PCDHGA7: variants seen among roughly 807,000 people sequenced by gnomAD.
The protein encoded by PCDHGA7 is protocadherin gamma subfamily A, 7, also known as protocadherin gamma-A7.
A neutral mutation model predicts 58.3 loss-of-function variants in PCDHGA7; 44 were observed. The ratio of observed to expected loss-of-function variants is 0.75; its 90% CI spans 0.59 to 0.97. The LOEUF (loss-of-function observed/expected upper bound fraction) is 0.97, where lower values mean the gene tolerates loss of function less well. PCDHGA7 is among the 50% of genes least tolerant of loss of function. The pLI, the probability that PCDHGA7 is intolerant of heterozygous loss-of-function variation, is 0.00. For synonymous variants in PCDHGA7, 516 were observed against 504.2 expected (o/e 1.02, Z -0.31); for missense variants, 1,266 against 1,188.7 (o/e 1.06, Z -0.96).
At chr5:141,385,415 T>C (rs1781181251) in intron 1 of PCDHGA7, 92 bp downstream of exon 1, 2 of 1,466,016 alleles carry the variant, frequency 1.4e-6, no homozygotes, top group Non-Finnish European at 1.8e-6. Context: ...AAAATAGGGA[T>C]TTAAAAAACT....
chr5:141,408,061 G>C, intron 1 of PCDHGA7: 1 of 1,332,898 alleles, frequency 7.5e-7, no homozygotes, highest in Non-Finnish European at 1.0e-6. Flanking sequence ...CCTCCCGGCT[G>C]CGCAGACCTT....
At chr5:141,413,612 T>C (rs1282180585) in intron 1 of PCDHGA7, 1 of 1,613,696 alleles carries the variant, frequency 6.2e-7, no homozygotes, top group Non-Finnish European at 8.5e-7. Context: ...GACGTAAAAA[T>C]TAATGAAAAT....
At chr5:141,430,811 A>G (rs1193066300) in intron 1 of PCDHGA7, 1 of 1,527,400 alleles carries the variant, frequency 6.5e-7, no homozygotes. Flanking sequence ...CCTGCTGGGA[A>G]TCCTCCTGGG....
At chr5:141,427,890 G>A in intron 1 of PCDHGA7, 1 of 1,566,844 alleles carries the variant, frequency 6.4e-7, no homozygotes, top group Non-Finnish European at 8.7e-7. Flanking sequence ...CCACGACCAG[G>A]GCTCGCCCGC....
At chr5:141,398,392 A>AGG in intron 1 of PCDHGA7, 1 of 1,456,392 alleles carries the variant, frequency 6.9e-7, no homozygotes, top group Non-Finnish European at 9.5e-7. Flanking sequence ...TGTGAGCAGC[A>AGG]GGCTAGACAG....
intron 1 of PCDHGA7, among the ~76,000 whole-genome samples, chr5:141,465,911 A>G (rs540115471): frequency 6.6e-6 from 1 of 152,260 alleles, no homozygotes; most frequent in East Asian, 1.9e-4. Context: ...TCACGAGGTC[A>G]GGATTTCGAG....
intron 1 of PCDHGA7, chr5:141,388,676 G>T: frequency 7.4e-6 from 12 of 1,613,944 alleles, no homozygotes; most frequent in Non-Finnish European, 1.0e-5. Context: ...TGCTACAGGT[G>T]ACTGCCACGG....
chr5:141,491,500 G>A lies in PCDHGA7; in HGVS notation c.2425-3307G>A. ...CAGCCCCAACCTGCAGGTGAGCTCG[G>A]ACGGCACGCTCAAGTACATGGAGGT... On this transcript the variant is annotated intron_variant, in intron 1 of 3. Transcript: ENST00000518325. The surrounding 1 kb of genome is among the most constrained non-coding windows in gnomAD (Gnocchi z 6.9). 3 of 1,614,102 alleles carry A rather than the reference G, an allele frequency of 1.9e-6. No homozygotes were observed. The highest frequency in any genetic ancestry group is 2.7e-5 in the African/African-American group (2 of 75,066).
rs754384717 is a variant in PCDHGA7 at position 141,385,373 on chromosome 5, T to C, written c.2424+50T>C. The C allele has an allele frequency of 3.9e-6, 6 of 1,529,356 alleles. No individual in the cohort carries two copies. The East Asian group carries it at 1.4e-4, about 35-fold the overall frequency. 94.7% of individuals were successfully genotyped at this position (1,529,356 alleles called of 1,614,324 possible). ...CCATGAGGAATTTATTTGCATGATA[T>C]TTCTCTATTATTTTGCAAAACAAAT... On this transcript the variant is annotated intron_variant, in intron 1 of 3. Coordinates refer to ENST00000518325, the MANE Select transcript of PCDHGA7 (RefSeq NM_018920.4).
rs1032345173 is a variant in PCDHGA7 at position 141,468,852 on chromosome 5, C to T, written c.2425-25955C>T. Among the ~76,000 whole-genome samples the T allele has an allele frequency of 7.2e-5, 11 of 151,868 alleles. No individual in the cohort carries two copies. In the East Asian group the frequency reaches 9.7e-4, roughly 13 times the overall value. On this transcript the variant is annotated intron_variant, in intron 1 of 3. Transcript: ENST00000518325. ...CTGCACTCCAGCCTGGGCAACAGAG[C>T]GAGACTCCATCTCAAAAATAATAAT... is the stretch of plus-strand genomic sequence containing the variant.
intron 1 of PCDHGA7, chr5:141,413,935 A>T: frequency 6.2e-7 from 1 of 1,613,372 alleles, no homozygotes; most frequent in Non-Finnish European, 8.5e-7. Flanking sequence ...ATACCGAGTG[A>T]GTGTTCCTGA....
rs1330713312 is a variant in PCDHGA7 at position 141,414,559 on chromosome 5, T to G, written c.2424+29236T>G. The stretch of plus-strand genomic sequence containing the variant: ...ACCTACCTTCTCTCAAGTCTCCTAC[T>G]TTACCTATATCCCAGAGAACAACGC... On this transcript the variant is annotated intron_variant, in intron 1 of 3. Coordinates refer to ENST00000518325, the MANE Select transcript of PCDHGA7 (RefSeq NM_018920.4). 5.0e-6 allele frequency: 8 copies of G among 1,613,782 alleles called. No homozygotes were observed. The Admixed American group carries it at 1.0e-4, about 20-fold the overall frequency.
At position 141,421,063 on chromosome 5, in the gene PCDHGA7, G is replaced by A. The variant is rs575695102; in HGVS notation, c.2424+35740G>A. 4.7e-4 allele frequency: 274 copies of A among 581,982 alleles called. 4 individuals are homozygous for A. The South Asian group carries it at 6.4e-3, about 14-fold the overall frequency. 36.1% of individuals were successfully genotyped at this position (581,982 alleles called of 1,614,324 possible). On this transcript the variant is annotated intron_variant, in intron 1 of 3. Transcript: ENST00000518325. ...CTCCCCCGCCTCTACCACACAAAGC[G>A]GAATGAGATGGATACTCACAGATCC... is the stretch of plus-strand genomic sequence containing the variant.
Position 141,489,764 on chromosome 5 carries a change from A to G in PCDHGA7, c.2425-5043A>G. ...GTGAGCTTTTACACTCTAAGCCCCA[A>G]CAGCCACTTCTCTCTGAATGTGAAG... is the stretch of plus-strand genomic sequence containing the variant. On this transcript the variant is annotated intron_variant, in intron 1 of 3. Transcript: ENST00000518325. The surrounding 1 kb of genome is among the most constrained non-coding windows in gnomAD (Gnocchi z 4.5). 2 of 1,613,556 alleles carry G rather than the reference A, an allele frequency of 1.2e-6. No homozygotes were observed. The highest frequency in any genetic ancestry group is 1.7e-6 in the Non-Finnish European group (2 of 1,179,894).
At position 141,486,679 on chromosome 5, in the gene PCDHGA7, A is replaced by G. The variant is rs1416879364; in HGVS notation, c.2425-8128A>G. The G allele has an allele frequency of 6.2e-7, 1 of 1,614,092 alleles. No individual in the cohort carries two copies. The highest frequency in any genetic ancestry group is 1.7e-5 in the Admixed American group (1 of 60,026). On this transcript the variant is annotated intron_variant, in intron 1 of 3. Coordinates refer to ENST00000518325, the MANE Select transcript of PCDHGA7 (RefSeq NM_018920.4). The surrounding 1 kb of genome is among the most constrained non-coding windows in gnomAD (Gnocchi z 5.0). Reference sequence around the variant, plus strand: ...TCCTGGAGCCCAGGAATCGAGATGTATCAGCTTCCTCTTTCATCTCTCTGA... The same window carrying G: ...TCCTGGAGCCCAGGAATCGAGATGTGTCAGCTTCCTCTTTCATCTCTCTGA...
intron 1 of PCDHGA7, chr5:141,419,863 G>T (rs1416582920): frequency 6.2e-7 from 1 of 1,614,108 alleles, no homozygotes; most frequent in Non-Finnish European, 8.5e-7. Flanking sequence ...CAGATAGCTT[G>T]CAAGAGGTAC....
chr5:141,408,670 T>G, intron 1 of PCDHGA7: 1 of 1,614,008 alleles, frequency 6.2e-7, no homozygotes, highest in Non-Finnish European at 8.5e-7. Context: ...CGCTTGACCC[T>G]GCCACGGATC....
At chr5:141,419,939 G>T in intron 1 of PCDHGA7, 1 of 1,614,054 alleles carries the variant, frequency 6.2e-7, no homozygotes. Flanking sequence ...TTACCTGGTG[G>T]TGGCCTTGGC....
chr5:141,433,837 CAAA>C (rs56191208), intron 1 of PCDHGA7, among the ~76,000 whole-genome samples: 5 of 111,684 alleles, frequency 4.5e-5, no homozygotes, highest in Admixed American at 2.0e-4. Flanking sequence ...AACTCTATCT[CAAA>C]AAAAAAAAAA....
Sources: allele counts gnomAD v4.1 joint callset (sites outside exome capture counted in the v4.1 genomes callset), GRCh38; gene constraint gnomAD v4.1.1; non-coding constraint Gnocchi (gnomAD v3.1); transcripts MANE v1.5; gene names NCBI Gene and HGNC (gene_info 2026-07-23, HGNC 2026-07-21).